Variants in ALCAM observed in about 807,000 individuals in gnomAD.
The protein encoded by ALCAM is CD166 antigen.
Under a neutral mutation model 70.9 loss-of-function variants are expected in ALCAM, and 30 were observed. The observed-to-expected ratio is 0.42, with a 90% CI of 0.32 to 0.57. ALCAM has a LOEUF of 0.57. Ranked by LOEUF, ALCAM falls within the 20% of genes least tolerant of loss-of-function variation. ALCAM has a pLI of 0.11. For missense variants in ALCAM, 591 were observed against 695.1 expected (o/e 0.85, Z 1.68); for synonymous variants, 249 against 242.5 (o/e 1.03, Z -0.25).
At chr3:105,432,419 T>C (rs1425143089) in intron 1 of ALCAM, among the ~76,000 whole-genome samples, 1 of 152,134 alleles carries the variant, frequency 6.6e-6, no homozygotes, top group Non-Finnish European at 1.5e-5. Context: ...TCTATTACAC[T>C]TCCCATAGAA....
Position 105,540,100 on chromosome 3 carries a change from C to G in ALCAM, c.856C>G (p.Pro286Ala), listed in dbSNP as rs775067433. ...PPPEEFLFYL[P>A]GQPEGIRSSN... is the part of the protein sequence containing the mutation. ...CCCAGAGGAATTTTTGTTTTACTTA[C>G]CAGTAAGTGCTTAAGTATTACTTCA... The change falls in exon 7 of 16, where the codon CCA becomes GCA. Residue 286 changes from proline to alanine, a missense_variant and splice_region_variant. Transcript: ENST00000306107. The G allele has an allele frequency of 2.5e-6, 4 of 1,610,538 alleles. No individual in the cohort carries two copies. In the East Asian group the frequency reaches 8.9e-5, roughly 36 times the overall value.
intron 1 of ALCAM, among the ~76,000 whole-genome samples, chr3:105,496,074 G>A (rs1178897852): frequency 2.6e-5 from 4 of 152,092 alleles, no homozygotes; most frequent in Non-Finnish European, 4.4e-5. Flanking sequence ...CTTAAGGGAC[G>A]TATGAGAAAA....
At chr3:105,502,425 G>A (rs1938946413) in intron 1 of ALCAM, among the ~76,000 whole-genome samples, 1 of 152,172 alleles carries the variant, frequency 6.6e-6, no homozygotes, top group African/African-American at 2.4e-5. Flanking sequence ...ATGTTCTTCA[G>A]GGCTTGAGGC....
chr3:105,485,807 G>A (rs1281041161), intron 1 of ALCAM, among the ~76,000 whole-genome samples: 1 of 152,008 alleles, frequency 6.6e-6, no homozygotes, highest in Non-Finnish European at 1.5e-5. Context: ...TAATTCAACA[G>A]CTTGTAAGGT....
chr3:105,525,069 T>C (rs981311265), intron 3 of ALCAM: 3 of 917,810 alleles, frequency 3.3e-6, no homozygotes, highest in Middle Eastern at 5.6e-4. Context: ...ATTAGAGATA[T>C]AGATACATTT....
chr3:105,388,458 A>G (rs1195221006), intron 1 of ALCAM, among the ~76,000 whole-genome samples: 1 of 151,620 alleles, frequency 6.6e-6, no homozygotes, highest in African/African-American at 2.4e-5. Flanking sequence ...AGAGTATTAC[A>G]AAATGTTATA....
At position 105,547,520 on chromosome 3, in the gene ALCAM, C is replaced by T. The variant is rs1366544977; in HGVS notation, c.1371C>T (p.Asn457=). Residue 457 remains asparagine (N), a synonymous_variant, in exon 11 of 16, where the codon AAC becomes AAT. Coordinates refer to ENST00000306107, the MANE Select transcript of ALCAM (RefSeq NM_001627.4). ...TTACTGGCAGTGGAAGCGTCATAAA[C>T]CAAGCAAGTATTTGTCTTCTTGTTA... The part of the protein sequence containing the change: ...WTITGSGSVI[N]QTEESPYING... 6.2e-7 allele frequency: 1 copy of T among 1,606,204 alleles called. No homozygotes were observed. Among genetic ancestry groups the T allele is most frequent in the Admixed American group, 1.7e-5 (1 of 58,788 alleles).
chr3:105,451,187 T>C (rs1191488666), intron 1 of ALCAM, among the ~76,000 whole-genome samples: 1 of 151,388 alleles, frequency 6.6e-6, no homozygotes, highest in Non-Finnish European at 1.5e-5. Context: ...TTGCTGTAGC[T>C]AAGGAGTTCA....
At chr3:105,517,939 C>T (rs1476767150) in intron 1 of ALCAM, among the ~76,000 whole-genome samples, 3 of 152,084 alleles carry the variant, frequency 2.0e-5, no homozygotes, top group Non-Finnish European at 2.9e-5. Flanking sequence ...TACATGATCT[C>T]TTCCCTGTTC....
chr3:105,550,718 A>G (rs1257809788), intron 12 of ALCAM, among the ~76,000 whole-genome samples: 1 of 151,596 alleles, frequency 6.6e-6, no homozygotes, highest in African/African-American at 2.4e-5. Flanking sequence ...CCACAAGCTT[A>G]AAGTCATTTA....
At chr3:105,566,374 T>G (rs1429946074) in intron 14 of ALCAM, among the ~76,000 whole-genome samples, 4 of 152,212 alleles carry the variant, frequency 2.6e-5, no homozygotes, top group African/African-American at 9.6e-5. Flanking sequence ...CTTTATACTT[T>G]TATTAGGTGC....
intron 1 of ALCAM, among the ~76,000 whole-genome samples, chr3:105,425,931 C>A (rs1936779672): frequency 6.6e-6 from 1 of 151,698 alleles, no homozygotes; most frequent in South Asian, 2.1e-4. Context: ...GGCGCTCTTT[C>A]AAATGGAGAT....
At position 105,456,486 on chromosome 3, in the gene ALCAM, T is replaced by C. The variant is rs568101579; in HGVS notation, c.74-63581T>C. The stretch of plus-strand genomic sequence containing the variant: ...CTTCCTTTCCTGCTGTTTTTCTATG[T>C]ATTCCCAGAAAAAAATTCATAGTTT... On this transcript the variant is annotated intron_variant, in intron 1 of 15. Transcript: ENST00000306107. Among the ~76,000 whole-genome samples, 15 of 152,328 alleles carry C rather than the reference T, an allele frequency of 9.8e-5. No homozygotes were observed. The South Asian group carries it at 3.1e-3, about 32-fold the overall frequency.
rs1377735859 is a variant in ALCAM at position 105,387,991 on chromosome 3, A to G, written c.73+20510A>G. Among the ~76,000 whole-genome samples the G allele has an allele frequency of 2.6e-5, 4 of 151,488 alleles. No homozygotes were observed. In the Admixed American group the frequency reaches 2.6e-4, roughly 10 times the overall value. The stretch of plus-strand genomic sequence containing the variant: ...ATCCATAATGAAGCACTAAGCATGT[A>G]ACATTTTGCAGATTGAGATTTCCCA... On this transcript the variant is annotated intron_variant, in intron 1 of 15. Transcript: ENST00000306107.
intron 1 of ALCAM, among the ~76,000 whole-genome samples, chr3:105,369,629 T>TG (rs1206841101): frequency 6.6e-6 from 1 of 152,112 alleles, no homozygotes; most frequent in Non-Finnish European, 1.5e-5. Flanking sequence ...CAGAGCCCGG[T>TG]GGGGGCGCGG....
intron 1 of ALCAM, among the ~76,000 whole-genome samples, chr3:105,474,901 G>A (rs539492704): frequency 2.0e-5 from 3 of 150,770 alleles, no homozygotes; most frequent in Admixed American, 6.6e-5. Flanking sequence ...TTATTCAACT[G>A]CCAATTAAAG....
At chr3:105,398,369 G>T (rs1936005499) in intron 1 of ALCAM, among the ~76,000 whole-genome samples, 1 of 151,860 alleles carries the variant, frequency 6.6e-6, no homozygotes, top group South Asian at 2.1e-4. Context: ...TTATATAGTT[G>T]CTTCTTAAAT....
At chr3:105,423,972 A>G (rs1338429299) in intron 1 of ALCAM, among the ~76,000 whole-genome samples, 2 of 151,594 alleles carry the variant, frequency 1.3e-5, no homozygotes, top group African/African-American at 2.4e-5. Context: ...ATTTTCATTA[A>G]CATTTCAGAT....
intron 1 of ALCAM, among the ~76,000 whole-genome samples, chr3:105,490,396 G>A (rs192390829): frequency 3.3e-4 from 51 of 152,276 alleles, no homozygotes; most frequent in East Asian, 9.7e-4. Context: ...CCTTTGTACC[G>A]CCGAATCCTC....
Sources: allele counts gnomAD v4.1 joint callset (sites outside exome capture counted in the v4.1 genomes callset), GRCh38; gene constraint gnomAD v4.1.1; transcripts MANE v1.5; gene names NCBI Gene and HGNC (gene_info 2026-07-23, HGNC 2026-07-21).